MILR1: variants seen among roughly 807,000 people sequenced by gnomAD.
MILR1 encodes mast cell immunoglobulin like receptor 1, also known as allergin-1.
Under a neutral mutation model 18.5 loss-of-function variants are expected in MILR1, and 31 were observed. That is an observed-to-expected ratio of 1.68 (90% CI 1.26 to 2.26). The LOEUF (loss-of-function observed/expected upper bound fraction) is 2.26. MILR1 is among the 30% of genes most tolerant of loss of function. The pLI, the probability that MILR1 is intolerant of heterozygous loss-of-function variation, is 0.00. For missense variants in MILR1, 257 were observed against 157.4 expected, an observed-to-expected ratio of 1.63 and a Z score of -3.38; for synonymous variants, 85 against 56.2, an observed-to-expected ratio of 1.51 and a Z score of -2.30.
the MILR1 span, among the ~76,000 whole-genome samples, chr17:64,495,670 A>T: frequency 6.6e-6 from 1 of 152,168 alleles, no homozygotes; most frequent in African/African-American, 2.4e-5. Context: ...TTCTTTTACA[A>T]TGAATATCTT....
chr17:64,459,992 T>TTTTATTTATTTATTTATTTA (rs202053813), intron 4 of MILR1, among the ~76,000 whole-genome samples: 1 of 125,364 alleles, frequency 8.0e-6, no homozygotes, highest in Non-Finnish European at 1.7e-5. Context: ...TTTTATTTTA[T>TTTTATTTATTTATTTATTTA]TTTATTTATT....
the MILR1 span, among the ~76,000 whole-genome samples, chr17:64,489,352 G>GT: frequency 0.23 from 31,349 of 133,428 alleles, 6,410 homozygotes; most frequent in African/African-American, 0.56. Context: ...GATGGAATTT[G>GT]TTTTTTTTTA....
the MILR1 span, among the ~76,000 whole-genome samples, chr17:64,477,017 TAGAC>T: frequency 1.3e-5 from 2 of 152,206 alleles, no homozygotes; most frequent in African/African-American, 2.4e-5. Context: ...ACATAGATAT[TAGAC>T]AGGAAACAAA....
the MILR1 span, chr17:64,485,504 C>T: frequency 1.3e-5 from 7 of 550,862 alleles, no homozygotes; most frequent in Admixed American, 1.9e-4. Flanking sequence ...CACAATTAAA[C>T]AGAAATGCCT....
the MILR1 span, chr17:64,486,012 GT>G: frequency 1.4e-6 from 1 of 726,004 alleles, no homozygotes; most frequent in South Asian, 1.5e-5. Flanking sequence ...TGCCTCCCAG[GT>G]TCAAGTGATT....
At chr17:64,477,133 A>G in the MILR1 span, among the ~76,000 whole-genome samples, 1 of 152,222 alleles carries the variant, frequency 6.6e-6, no homozygotes, top group Non-Finnish European at 1.5e-5. Context: ...TTGATATCTG[A>G]CAGTATAGAT....
At chr17:64,453,311 C>T (rs948319262) in intron 3 of MILR1, among the ~76,000 whole-genome samples, 1 of 152,110 alleles carries the variant, frequency 6.6e-6, no homozygotes, top group Non-Finnish European at 1.5e-5. Flanking sequence ...TCAGGTGATC[C>T]GCCTGCCTCA....
the MILR1 span, chr17:64,496,625 C>T: frequency 6.2e-7 from 1 of 1,614,024 alleles, no homozygotes; most frequent in South Asian, 1.1e-5. Context: ...CACCGAGGTC[C>T]ACCATTCTGC....
chr17:64,485,574 G>A, the MILR1 span: 10 of 666,738 alleles, frequency 1.5e-5, no homozygotes, highest in East Asian at 2.4e-4. Context: ...TCTTATTCCT[G>A]TGGCCAGATT....
intron 2 of MILR1, among the ~76,000 whole-genome samples, chr17:64,451,894 T>C (rs2037178110): frequency 6.6e-6 from 1 of 151,192 alleles, no homozygotes; most frequent in Non-Finnish European, 1.5e-5. Context: ...ATGGTGCCAC[T>C]GCGCTCCAGC....
intron 9 of MILR1, 127 bp from the exon 10 acceptor site, chr17:64,468,183 G>A: frequency 2.2e-6 from 1 of 451,164 alleles, no homozygotes; most frequent in African/African-American, 2.0e-5. Context: ...TTGTGGGGAG[G>A]ACCCTCCTTG....
At chr17:64,462,851 C>G (rs2037463703) in intron 5 of MILR1, among the ~76,000 whole-genome samples, 2 of 152,054 alleles carry the variant, frequency 1.3e-5, no homozygotes. Flanking sequence ...GTCTTGAACT[C>G]CTGACCTCAG....
At chr17:64,474,072 G>GTTA in the MILR1 span, among the ~76,000 whole-genome samples, 11 of 152,052 alleles carry the variant, frequency 7.2e-5, no homozygotes, top group Non-Finnish European at 1.5e-4. Context: ...TTTTTCATTT[G>GTTA]TTATTATTAT....
the MILR1 span, chr17:64,496,464 C>T: frequency 0.13 from 202,558 of 1,601,182 alleles, 27,966 homozygotes; most frequent in African/African-American, 0.71. Context: ...TCAAGAAATG[C>T]TACTAGCTGT....
At chr17:64,497,276 C>T in the MILR1 span, among the ~76,000 whole-genome samples, 1 of 152,268 alleles carries the variant, frequency 6.6e-6, no homozygotes, top group Admixed American at 6.5e-5. Context: ...CTATTTATAA[C>T]CGTGGTGTAG....
At chr17:64,459,391 G>A (rs1331608532) in intron 4 of MILR1, among the ~76,000 whole-genome samples, 1 of 151,938 alleles carries the variant, frequency 6.6e-6, no homozygotes, top group Non-Finnish European at 1.5e-5. Context: ...TGTGATCATC[G>A]TGCCCTGCAT....
downstream of MILR1, among the ~76,000 whole-genome samples, chr17:64,470,693 A>G (rs148294071): frequency 1.1e-3 from 161 of 152,166 alleles, no homozygotes; most frequent in African/African-American, 3.7e-3. Context: ...TGGTTGGCCC[A>G]CCCTTTCGAT....
the MILR1 span, chr17:64,485,726 A>T: frequency 5.6e-6 from 9 of 1,610,410 alleles, no homozygotes; most frequent in South Asian, 9.9e-5. Flanking sequence ...TATCAACAGC[A>T]CCTTTCTATG....
chr17:64,457,288 G>A (rs1490526329), intron 3 of MILR1, 112 bp from the exon 4 acceptor site: 3 of 405,594 alleles, frequency 7.4e-6, no homozygotes, highest in East Asian at 3.5e-5. Flanking sequence ...GAAGGGGGTC[G>A]TTCATCTTGG....
Sources: allele counts gnomAD v4.1 joint callset (sites outside exome capture counted in the v4.1 genomes callset), GRCh38; gene constraint gnomAD v4.1.1; transcripts MANE v1.5; gene names NCBI Gene and HGNC (gene_info 2026-07-23, HGNC 2026-07-21).